TTN: variants seen among roughly 807,000 people sequenced by gnomAD.
TTN encodes connectin.
TTN carries 1,525 observed loss-of-function variants against 3,223.0 expected under a neutral mutation model. The observed-to-expected ratio is 0.47, with a 90% CI of 0.45 to 0.49. The LOEUF is 0.49. Ranked by LOEUF, TTN falls within the 20% of genes least tolerant of loss-of-function variation. TTN has a pLI of 0.00. For synonymous variants in TTN, 14,094 were observed against 15,161.0 expected (o/e 0.93, Z 5.17); for missense variants, 40,786 against 43,424.0 (o/e 0.94, Z 5.40).
At position 178,565,000 on chromosome 2, in the gene TTN, C is replaced by A; in HGVS notation, c.81132G>T (p.Gln27044His). 6.2e-7 allele frequency: 1 copy of A among 1,612,896 alleles called. No individual in the cohort carries two copies. The highest frequency in any genetic ancestry group is 8.5e-7 in the Non-Finnish European group (1 of 1,179,434). Reference sequence around the variant, plus strand: ...ACCTGTTTTCAGCAAAAATTCTAAACTGGTACTCCGTGCCTGTTTTCAGTT... The same window carrying A: ...ACCTGTTTTCAGCAAAAATTCTAAAATGGTACTCCGTGCCTGTTTTCAGTT... ...ITKLKTGTEY[Q>H]FRIFAENRYG... The change falls in exon 326 of 363, where the codon CAG (glutamine) becomes CAT (histidine). Residue 27044 changes from glutamine to histidine, a missense_variant. Gln to His is a conservative substitution (Grantham distance 24). Transcript: ENST00000589042.
At chr2:178,785,418 T>C (rs1432316910) in intron 15 of TTN, among the ~76,000 whole-genome samples, 2 of 152,126 alleles carry the variant, frequency 1.3e-5, no homozygotes, top group Non-Finnish European at 2.9e-5. Context: ...AGATAACCAC[T>C]TGTGACTCTA....
intron 47 of TTN, chr2:178,751,548 C>T (rs2085511986): frequency 1.9e-6 from 3 of 1,613,362 alleles, no homozygotes; most frequent in Non-Finnish European, 2.5e-6. Flanking sequence ...TCCACATTTT[C>T]ATGTGTCCGT....
Position 178,545,685 on chromosome 2 carries a change from A to G in TTN, c.95425T>C (p.Ser31809Pro). Residue 31809 changes from serine to proline, a missense_variant, in exon 344 of 363, where the codon TCA becomes CCA. Ser to Pro is a moderately conservative substitution (Grantham distance 74, BLOSUM62 -1). Coordinates refer to ENST00000589042, the MANE Select transcript of TTN (RefSeq NM_001267550.2). ...ACTTCTTCAGGTATGCCGGGTGGTG[A>G]TGGAATAGCTGTTTATGAAAATAAG... The part of the protein sequence containing the change: ...IVARNSFTIP[S>P]PPGIPEEVGT... 5 of 1,612,482 alleles carry G rather than the reference A, an allele frequency of 3.1e-6. No homozygotes were observed. Among genetic ancestry groups the G allele is most frequent in the Non-Finnish European group, 4.2e-6 (5 of 1,178,880 alleles).
rs780545119 is a variant in TTN, at chr2:178,749,875, G to A, written c.11311+3249C>T. 5 of 1,612,916 alleles carry A rather than the reference G, an allele frequency of 3.1e-6. No homozygotes were observed. In the East Asian group the frequency reaches 6.7e-5, roughly 22 times the overall value. ...CAGATATTAAACATTCAAGAATGAT[G>A]GAATCCCCTTCTCTACACCTGGCAT... On this transcript the variant is annotated intron_variant, in intron 47 of 362. Transcript: ENST00000589042.
intron 92 of TTN, 24 bp downstream of exon 92, chr2:178,713,873 G>A: frequency 1.9e-6 from 3 of 1,607,692 alleles, no homozygotes; most frequent in Non-Finnish European, 2.6e-6. Context: ...AATGATGAAG[G>A]AAAAGCCCAA....
rs1268324463 is a variant in TTN at position 178,635,466 on chromosome 2, C to A, written c.41858G>T (p.Arg13953Ile). ...AEYAVEIEGK[R>I]YPAKLTLGER... ...TCCAAGTGTCAGCTTTGCAGGGTAT[C>A]TTTTTCCTTCAATTTCCACTGCATA... The change falls in exon 227 of 363, where the codon AGA becomes ATA. Residue 13953 changes from arginine to isoleucine, a missense_variant. By Grantham distance (97) the Arg-to-Ile change is moderately conservative. Coordinates refer to ENST00000589042, the MANE Select transcript of TTN (RefSeq NM_001267550.2). 2 of 1,607,184 alleles carry A rather than the reference C, an allele frequency of 1.2e-6. No homozygotes were observed. The highest frequency in any genetic ancestry group is 2.2e-5 in the East Asian group (1 of 44,482).
At position 178,782,387 on chromosome 2, in the gene TTN, G is replaced by A; in HGVS notation, c.3205C>T (p.Leu1069Phe). Reference protein sequence around the residue: ...SRDVVMTDTSLTEEQAGPGEP... With the variant: ...SRDVVMTDTSFTEEQAGPGEP... Reference sequence around the variant, plus strand: ...CCAGGCCCTGCTTGTTCCTCTGTGAGGCTAGTATCAGTCATAACCACATCT... The same window carrying A: ...CCAGGCCCTGCTTGTTCCTCTGTGAAGCTAGTATCAGTCATAACCACATCT... The change falls in exon 20 of 363, where the codon CTC becomes TTC. Residue 1069 changes from leucine (L) to phenylalanine (F), a missense_variant. Coordinates refer to ENST00000589042, the MANE Select transcript of TTN (RefSeq NM_001267550.2). 1 of 1,614,050 alleles carries A rather than the reference G, an allele frequency of 6.2e-7. No individual in the cohort carries two copies.
chr2:178,668,853 A>G (rs1443362151), intron 159 of TTN, among the ~76,000 whole-genome samples: 1 of 152,008 alleles, frequency 6.6e-6, no homozygotes, highest in Non-Finnish European at 1.5e-5. Flanking sequence ...CAAATTATTT[A>G]AACCTAATTT....
chr2:178,637,602 G>A (rs1157631638), intron 223 of TTN, among the ~76,000 whole-genome samples, 183 bp from the exon 224 acceptor site: 2 of 152,014 alleles, frequency 1.3e-5, no homozygotes, highest in Non-Finnish European at 2.9e-5. Context: ...AGACTGAAGA[G>A]CTCAAGCTAA....
rs939492024 is a variant in TTN at position 178,713,121 on chromosome 2, C to G, written c.27013G>C (p.Gly9005Arg). ...AAAGGAGCACTACATTCATCAGAAC[C>G]AGCCATATTAGTAGCTATACATGTG... ...DYTCIATNMAGSDECSAPLTV... is the reference protein window; with the variant it reads ...DYTCIATNMARSDECSAPLTV... The change falls in exon 93 of 363, where the codon GGT (glycine) becomes CGT (arginine). Residue 9005 changes from glycine (G) to arginine (R), a missense_variant. Coordinates refer to ENST00000589042, the MANE Select transcript of TTN (RefSeq NM_001267550.2). 2 of 1,613,694 alleles carry G rather than the reference C, an allele frequency of 1.2e-6. No homozygotes were observed. Among genetic ancestry groups the G allele is most frequent in the Middle Eastern group, 1.7e-4 (1 of 6,058 alleles).
rs397517800 is a variant in TTN, at chr2:178,528,366, C to T, written c.107285G>A (p.Arg35762Gln). The change falls in exon 361 of 363, where the codon CGA (arginine) becomes CAA (glutamine). Residue 35762 changes from arginine to glutamine, a missense_variant. Transcript: ENST00000589042. ...RSRNVYSLEI[R>Q]NASVSDSGKY... ...TCCACTGTCGCTGACTGATGCATTT[C>T]GGATTTCAAGGGAGTATACATTTCT... is the stretch of plus-strand genomic sequence containing the variant. 3.0e-5 allele frequency: 49 copies of T among 1,613,772 alleles called. No individual in the cohort carries two copies. The highest frequency in any genetic ancestry group is 2.7e-4 in the Admixed American group (16 of 60,004).
rs373532064 is a variant in TTN, at chr2:178,561,167, C to T, written c.84965G>A (p.Arg28322His). The change falls in exon 326 of 363, where the codon CGT becomes CAT. Residue 28322 changes from arginine to histidine, a missense_variant. By Grantham distance (29) the Arg-to-His change is conservative (BLOSUM62 0). Coordinates refer to ENST00000589042, the MANE Select transcript of TTN (RefSeq NM_001267550.2). ...FEVTELTEDQ[R>H]YEFRVFARNA... ...CCTTGCAAAAACCCGGAATTCATAA[C>T]GCTGATCTTCAGTAAGTTCAGTTAC... 183 of 1,613,558 alleles carry T rather than the reference C, an allele frequency of 1.1e-4. No homozygotes were observed. The highest frequency in any genetic ancestry group is 1.4e-4 in the Non-Finnish European group (167 of 1,179,798).
Position 178,712,986 on chromosome 2 carries a change from A to C in TTN, c.27050-11T>G, listed in dbSNP as rs1178838341. ...CAAAAGATGGTGGTTCTAAACACAAAAGCACATATCAGAAAAGGTTTAGTA... is the reference window on the plus strand; with the variant it reads ...CAAAAGATGGTGGTTCTAAACACAACAGCACATATCAGAAAAGGTTTAGTA... On this transcript the variant is annotated splice_polypyrimidine_tract_variant and intron_variant, in intron 93 of 362. Coordinates refer to ENST00000589042, the MANE Select transcript of TTN (RefSeq NM_001267550.2). 2 of 1,610,422 alleles carry C rather than the reference A, an allele frequency of 1.2e-6. No individual in the cohort carries two copies. Among genetic ancestry groups the C allele is most frequent in the Admixed American group, 3.3e-5 (2 of 59,740 alleles).
rs1443692023 is a variant in TTN at position 178,578,704 on chromosome 2, C to G, written c.68236G>C (p.Ala22746Pro). ...TCCACAATATTGGGAGGTGGGGGAG[C>G]ATCAGGCACATCTAGAAAAAAGTAG... ...VARHPFDVPD[A>P]PPPPNIVDVR... The change falls in exon 321 of 363, where the codon GCT becomes CCT. Residue 22746 changes from alanine (A) to proline (P), a missense_variant. By Grantham distance (27) the Ala-to-Pro change is conservative. Coordinates refer to ENST00000589042, the MANE Select transcript of TTN (RefSeq NM_001267550.2). 6.2e-7 allele frequency: 1 copy of G among 1,610,276 alleles called. No individual in the cohort carries two copies.
At position 178,632,689 on chromosome 2, in the gene TTN, A is replaced by G. The variant is rs565470564; in HGVS notation, c.43317T>C (p.Arg14439=). ...TGATTTCCTGGGTTCCTTTTAGCCAACGGAATGTTTTGGGCTCCCTGGATA... is the reference window on the plus strand; with the variant it reads ...TGATTTCCTGGGTTCCTTTTAGCCAGCGGAATGTTTTGGGCTCCCTGGATA... ...CEVSREPKTF[R]WLKGTQEITG... is the part of the protein sequence containing the mutation. Residue 14439 remains arginine (R), a synonymous_variant, in exon 235 of 363, where the codon CGT becomes CGC. Coordinates refer to ENST00000589042, the MANE Select transcript of TTN (RefSeq NM_001267550.2). The G allele has an allele frequency of 1.2e-6, 2 of 1,613,404 alleles. No individual in the cohort carries two copies. Among genetic ancestry groups the G allele is most frequent in the Non-Finnish European group, 8.5e-7 (1 of 1,179,550 alleles).
rs748052681 is a variant in TTN at position 178,769,701 on chromosome 2, G to A, written c.8880C>T (p.Val2960=). 1 of 1,613,218 alleles carries A rather than the reference G, an allele frequency of 6.2e-7. No individual in the cohort carries two copies. The highest frequency in any genetic ancestry group is 1.3e-5 in the African/African-American group (1 of 74,920). The change falls in exon 37 of 363, where the codon GTC becomes GTT. Residue 2960 remains valine, a synonymous_variant. Coordinates refer to ENST00000589042, the MANE Select transcript of TTN (RefSeq NM_001267550.2). ...TACGGGTGACTGTCAGGGTGGCACT[G>A]ACTTGGTCATTGCCACAGACAAATG... ...EYTFVCGNDQ[V]SATLTVTPIM... is the part of the protein sequence containing the mutation.
chr2:178,779,909 C>A, intron 22 of TTN, 91 bp downstream of exon 22: 1 of 1,343,622 alleles, frequency 7.4e-7, no homozygotes, highest in East Asian at 2.3e-5. Flanking sequence ...TGTCTAACCC[C>A]GAGCTCATCA....
At position 178,565,217 on chromosome 2, in the gene TTN, T is replaced by C. The variant is rs1705272007; in HGVS notation, c.80915A>G (p.Lys26972Arg). 6.2e-7 allele frequency: 1 copy of C among 1,613,484 alleles called. No homozygotes were observed. The highest frequency in any genetic ancestry group is 1.3e-5 in the African/African-American group (1 of 74,900). The change falls in exon 326 of 363, where the codon AAG (lysine) becomes AGG (arginine). Residue 26972 changes from lysine (K) to arginine (R), a missense_variant. By Grantham distance (26) the Lys-to-Arg change is conservative. Transcript: ENST00000589042. The part of the protein sequence containing the change: ...TENLSVIVLE[K>R]PGPPVGPVRF... Reference sequence around the variant, plus strand: ...AACTGGGCCAACTGGAGGTCCAGGCTTTTCTAAAACGATAACACTGAGATT... The same window carrying C: ...AACTGGGCCAACTGGAGGTCCAGGCCTTTCTAAAACGATAACACTGAGATT...
At position 178,580,607 on chromosome 2, in the gene TTN, G is replaced by A. The variant is rs781220405; in HGVS notation, c.66772C>T (p.Pro22258Ser). 30 of 1,601,702 alleles carry A rather than the reference G, an allele frequency of 1.9e-5. No homozygotes were observed. The South Asian group carries it at 3.3e-4, about 18-fold the overall frequency. ...TCCGCATCAAGTTCTCCCTCAGGTG[G>A]AACTGTTTAATTTTGGGTGAAGAAG... ...DKHYPKDILIPPEGELDADLR... is the reference protein window; with the variant it reads ...DKHYPKDILISPEGELDADLR... The change falls in exon 317 of 363, where the codon CCA (proline) becomes TCA (serine). Residue 22258 changes from proline to serine, a missense_variant and splice_region_variant. Coordinates refer to ENST00000589042, the MANE Select transcript of TTN (RefSeq NM_001267550.2).
Sources: gnomAD v4.1 joint callset for allele counts (sites outside exome capture counted in the v4.1 genomes callset) on GRCh38, gnomAD v4.1.1 for gene constraint, MANE v1.5 for transcripts, NCBI Gene and HGNC (gene_info 2026-07-23, HGNC 2026-07-21) for gene names.